TBC1D22A: variants seen among roughly 807,000 people sequenced by gnomAD.
The protein encoded by TBC1D22A is putative GTPase activator.
A neutral mutation model predicts 60.2 loss-of-function variants in TBC1D22A; 38 were observed. The ratio of observed to expected loss-of-function variants is 0.63; its 90% confidence interval spans 0.49 to 0.83. The LOEUF (loss-of-function observed/expected upper bound fraction) is 0.83. Ranked by LOEUF, TBC1D22A falls within the 40% of genes least tolerant of loss-of-function variation. TBC1D22A has a pLI of 0.00. For synonymous variants in TBC1D22A, 302 were observed against 281.7 expected (o/e 1.07, Z -0.72); for missense variants, 628 against 701.0 (o/e 0.90, Z 1.18).
intron 11 of TBC1D22A, among the ~76,000 whole-genome samples, chr22:47,103,114 C>T (rs2065483420): frequency 2.0e-5 from 3 of 152,200 alleles, no homozygotes; most frequent in Admixed American, 6.5e-5. Context: ...AGCTTCCATG[C>T]ACCCAGCCTG....
At chr22:47,017,943 T>A (rs1465224046) in intron 10 of TBC1D22A, among the ~76,000 whole-genome samples, 1 of 152,236 alleles carries the variant, frequency 6.6e-6, no homozygotes, top group Non-Finnish European at 1.5e-5. Context: ...TTTAATACGT[T>A]CCATTCCTGC....
At position 47,095,906 on chromosome 22, in the gene TBC1D22A, C is replaced by T. The variant is rs2065153096; in HGVS notation, c.1330-15602C>T. Among the ~76,000 whole-genome samples the T allele has an allele frequency of 2.0e-5, 3 of 152,380 alleles. No homozygotes were observed. The South Asian group carries it at 6.2e-4, about 32-fold the overall frequency. ...CCCTTTCCCAGGGCTGGGCTGGAGGCTGGCCCTGTCCACTCCTGGCTGACC... is the reference window on the plus strand; with the variant it reads ...CCCTTTCCCAGGGCTGGGCTGGAGGTTGGCCCTGTCCACTCCTGGCTGACC... On this transcript the variant is annotated intron_variant, in intron 11 of 12. Coordinates refer to ENST00000337137, the MANE Select transcript of TBC1D22A (RefSeq NM_014346.5).
chr22:46,962,230 G>A (rs1375194468), intron 8 of TBC1D22A, among the ~76,000 whole-genome samples: 2 of 152,172 alleles, frequency 1.3e-5, no homozygotes, highest in Non-Finnish European at 2.9e-5. Flanking sequence ...AATCAAAGAC[G>A]GATTTAAGAA....
chr22:46,989,857 C>T (rs1196915363), intron 9 of TBC1D22A, among the ~76,000 whole-genome samples: 1 of 151,790 alleles, frequency 6.6e-6, no homozygotes, highest in African/African-American at 2.4e-5. Flanking sequence ...GGCTGGAGTG[C>T]AGTGATGCGA....
intron 7 of TBC1D22A, among the ~76,000 whole-genome samples, chr22:46,897,523 G>A (rs1342576841): frequency 2.0e-5 from 3 of 151,680 alleles, no homozygotes; most frequent in East Asian, 3.9e-4. Flanking sequence ...ACCAATCAGA[G>A]GTACTTTCAG....
At chr22:46,840,532 A>C (rs578129272) in intron 4 of TBC1D22A, among the ~76,000 whole-genome samples, 1 of 152,162 alleles carries the variant, frequency 6.6e-6, no homozygotes, top group African/African-American at 2.4e-5. Flanking sequence ...CAGAAGTTTG[A>C]GACCAGCCTG....
chr22:47,158,048 C>T (rs1031894812), intron 12 of TBC1D22A, among the ~76,000 whole-genome samples: 5 of 152,210 alleles, frequency 3.3e-5, no homozygotes, highest in Admixed American at 2.6e-4. Flanking sequence ...CATCCTTGCA[C>T]CCCCACCCCT....
At chr22:47,111,005 C>T (rs111524726) in intron 11 of TBC1D22A, among the ~76,000 whole-genome samples, 2,673 of 152,292 alleles carry the variant, frequency 0.018, 25 homozygotes, top group Middle Eastern at 0.034. Flanking sequence ...CCGTGGCTTC[C>T]GAGTAGCATC....
At chr22:46,912,602 G>C (rs980951288) in intron 8 of TBC1D22A, among the ~76,000 whole-genome samples, 5 of 152,148 alleles carry the variant, frequency 3.3e-5, no homozygotes, top group African/African-American at 9.7e-5. Context: ...TGCTGCCCAG[G>C]CTGGAGTATA....
intron 10 of TBC1D22A, among the ~76,000 whole-genome samples, chr22:47,008,853 G>A (rs2061664221): frequency 6.6e-6 from 1 of 152,186 alleles, no homozygotes; most frequent in Admixed American, 6.5e-5. Context: ...ACCTCCCACC[G>A]GGAAGTTAGA....
chr22:46,816,067 C>T (rs960840695), intron 4 of TBC1D22A, among the ~76,000 whole-genome samples: 4 of 152,222 alleles, frequency 2.6e-5, no homozygotes, highest in Non-Finnish European at 5.9e-5. Flanking sequence ...ATCACACTCA[C>T]ACCCTTGGGA....
At chr22:46,932,589 C>T (rs1278689652) in intron 8 of TBC1D22A, among the ~76,000 whole-genome samples, 2 of 152,214 alleles carry the variant, frequency 1.3e-5, no homozygotes, top group East Asian at 3.9e-4. Flanking sequence ...TTCTCCTCCC[C>T]ATGGTTTTCC....
intron 11 of TBC1D22A, among the ~76,000 whole-genome samples, chr22:47,073,014 A>T (rs1263369254): frequency 6.6e-6 from 1 of 152,242 alleles, no homozygotes; most frequent in South Asian, 2.1e-4. Flanking sequence ...TCCTAAATTT[A>T]TTAAAGGCTT....
intron 11 of TBC1D22A, among the ~76,000 whole-genome samples, chr22:47,081,141 AATG>A (rs2064451437): frequency 6.6e-6 from 1 of 151,696 alleles, no homozygotes; most frequent in Non-Finnish European, 1.5e-5. Context: ...AAAAAAAAAA[AATG>A]ACAGTACACA....
In TBC1D22A at chr22:47,080,988, C is replaced by T. The variant is rs60698657; in HGVS notation, c.1330-30520C>T. On this transcript the variant is annotated intron_variant, in intron 11 of 12. Transcript: ENST00000337137. ...ATACAATATTAGCTGGGCGTGATGG[C>T]GCATGCCTGTAATCCCAGCTACTAG... 9.1e-3 allele frequency among the ~76,000 whole-genome samples: 1,387 copies of T among 152,118 alleles called. 14 individuals are homozygous for T. The highest frequency in any genetic ancestry group is 0.032 in the African/African-American group (1,318 of 41,502).
intron 8 of TBC1D22A, among the ~76,000 whole-genome samples, chr22:46,949,631 A>C (rs755689912): frequency 6.6e-6 from 1 of 152,260 alleles, no homozygotes; most frequent in Non-Finnish European, 1.5e-5. Flanking sequence ...ATATCATTTC[A>C]TCCATCTGCC....
chr22:46,979,425 C>A (rs944714658), intron 9 of TBC1D22A, among the ~76,000 whole-genome samples: 2 of 152,210 alleles, frequency 1.3e-5, no homozygotes, highest in African/African-American at 4.8e-5. Flanking sequence ...GTCTGCTAGT[C>A]CTTCTTTCAT....
chr22:46,889,577 C>T (rs1402380299), intron 5 of TBC1D22A, among the ~76,000 whole-genome samples: 1 of 152,190 alleles, frequency 6.6e-6, no homozygotes, highest in African/African-American at 2.4e-5. Context: ...ATAACAAACC[C>T]CAAACCGGAA....
At chr22:46,853,338 G>T (rs1469130250) in intron 4 of TBC1D22A, among the ~76,000 whole-genome samples, 1 of 152,234 alleles carries the variant, frequency 6.6e-6, no homozygotes, top group Non-Finnish European at 1.5e-5. Context: ...CAGGCGAGAG[G>T]CATGAAGCCG....
Sources: gnomAD v4.1 joint callset for allele counts (sites outside exome capture counted in the v4.1 genomes callset) on GRCh38, gnomAD v4.1.1 for gene constraint, MANE v1.5 for transcripts, NCBI Gene and HGNC (gene_info 2026-07-23, HGNC 2026-07-21) for gene names.